The following NCOA5 variants were observed in gnomAD, a reference collection of about 807,000 sequenced individuals.
NCOA5 encodes the protein nuclear receptor coactivator 5, also known as NCoA-5.
NCOA5 carries 12 observed loss-of-function variants against 59.0 expected under a neutral mutation model. The ratio of observed to expected loss-of-function variants is 0.20; its 90% CI spans 0.13 to 0.33. The LOEUF (loss-of-function observed/expected upper bound fraction) is 0.33, where lower values mean the gene tolerates loss of function less well. Ranked by LOEUF, NCOA5 falls within the 10% of genes least tolerant of loss-of-function variation. NCOA5 has a pLI of 1.00. For missense variants in NCOA5, 655 were observed against 766.6 expected, an observed-to-expected ratio of 0.85 and a Z score of 1.72; for synonymous variants, 270 against 275.5, an observed-to-expected ratio of 0.98 and a Z score of 0.20.
At position 46,079,369 on chromosome 20, in the gene NCOA5, G is replaced by A. The variant is rs577111537; in HGVS notation, c.38+18C>T. On this transcript the variant is annotated intron_variant, in intron 2 of 7. Coordinates refer to ENST00000290231, the MANE Select transcript of NCOA5 (RefSeq NM_020967.3). The stretch of plus-strand genomic sequence containing the variant: ...GCCCAACTCTCCCAAGGTAACTCAC[G>A]GCTTCAGGGTACTTTACCTTCGTGT... 5.4e-5 allele frequency: 87 copies of A among 1,613,728 alleles called. 3 individuals carry two copies. The South Asian group carries it at 7.6e-4, about 14-fold the overall frequency.
At chr20:46,080,833 G>T (rs55881672) in intron 1 of NCOA5, among the ~76,000 whole-genome samples, 4 of 152,124 alleles carry the variant, frequency 2.6e-5, no homozygotes, top group Non-Finnish European at 4.4e-5. Context: ...TATTTTCTAT[G>T]TAAGACTTGG....
At chr20:46,065,748 A>G (rs776585887) in intron 5 of NCOA5, among the ~76,000 whole-genome samples, 1 of 152,054 alleles carries the variant, frequency 6.6e-6, no homozygotes, top group Non-Finnish European at 1.5e-5. Context: ...TCTAAATTAG[A>G]TCTCTGACAT....
At chr20:46,077,882 C>A (rs544618084) in intron 2 of NCOA5, among the ~76,000 whole-genome samples, 1 of 152,300 alleles carries the variant, frequency 6.6e-6, no homozygotes, top group East Asian at 1.9e-4. Context: ...TAGATGAAGG[C>A]TAATGAAAGC....
At chr20:46,068,060 A>G (rs2084842858) in intron 4 of NCOA5, among the ~76,000 whole-genome samples, 1 of 152,030 alleles carries the variant, frequency 6.6e-6, no homozygotes, top group Non-Finnish European at 1.5e-5. Context: ...CCCCCCGAGT[A>G]GCTGGGACTA....
intron 1 of NCOA5, among the ~76,000 whole-genome samples, chr20:46,089,238 T>C (rs1380628137): frequency 6.6e-6 from 1 of 152,140 alleles, no homozygotes; most frequent in Non-Finnish European, 1.5e-5. Context: ...CCCCGTTCTC[T>C]GGGCCCGAGG....
chr20:46,085,909 T>C (rs2085040555), intron 1 of NCOA5, among the ~76,000 whole-genome samples: 1 of 152,154 alleles, frequency 6.6e-6, no homozygotes, highest in Admixed American at 6.5e-5. Flanking sequence ...ACATTCAAAA[T>C]ATTGCCCATT....
rs374656255 is a variant in NCOA5 at position 46,063,350 on chromosome 20, C to T, written c.1150+10G>A. 6.2e-7 allele frequency: 1 copy of T among 1,609,354 alleles called. No homozygotes were observed. The highest frequency in any genetic ancestry group is 8.5e-7 in the Non-Finnish European group (1 of 1,179,402). On this transcript the variant is annotated intron_variant, in intron 7 of 7. Coordinates refer to ENST00000290231, the MANE Select transcript of NCOA5 (RefSeq NM_020967.3). ...TCAGAACTTCACCTCGGCCCTGCCACGTAGCTCACCAGGCAGAGAGTCGGT... is the reference window on the plus strand; with the variant it reads ...TCAGAACTTCACCTCGGCCCTGCCATGTAGCTCACCAGGCAGAGAGTCGGT...
At chr20:46,079,962 G>A (rs1047049191) in intron 1 of NCOA5, among the ~76,000 whole-genome samples, 2 of 152,204 alleles carry the variant, frequency 1.3e-5, no homozygotes, top group African/African-American at 4.8e-5. Context: ...CTGTTAGTGT[G>A]TCTTGTGTTG....
chr20:46,075,564 G>A (rs2084928536), intron 2 of NCOA5, among the ~76,000 whole-genome samples: 1 of 152,224 alleles, frequency 6.6e-6, no homozygotes, highest in African/African-American at 2.4e-5. Context: ...ATCCTCTGCA[G>A]AGCGTTGGAT....
intron 1 of NCOA5, among the ~76,000 whole-genome samples, chr20:46,082,359 G>A (rs1476533440): frequency 6.6e-6 from 1 of 151,928 alleles, no homozygotes; most frequent in Admixed American, 6.6e-5. Flanking sequence ...TGTAAAGAAG[G>A]GAAAAAAAGG....
At chr20:46,068,693 G>C (rs2084850209) in intron 3 of NCOA5, 55 bp from the exon 4 acceptor site, 1 of 1,550,816 alleles carries the variant, frequency 6.4e-7, no homozygotes, top group Admixed American at 1.9e-5. Flanking sequence ...TCCTGAAAAA[G>C]TCACCTAGAG....
chr20:46,070,485 T>A lies in NCOA5; in HGVS notation c.90A>T (p.Pro30=). 1 of 1,614,014 alleles carries A rather than the reference T, an allele frequency of 6.2e-7. No individual in the cohort carries two copies. Among genetic ancestry groups the A allele is most frequent in the Non-Finnish European group, 8.5e-7 (1 of 1,179,992 alleles). Residue 30 remains proline (P), a synonymous_variant, in exon 3 of 8, where the codon CCA becomes CCT. Transcript: ENST00000290231. The part of the protein sequence containing the change: ...DSRDSRRDRS[P]IRGSPRREPR... ...GCTCTCTCCTTGGACTTCCTCGAAT[T>A]GGGGATCGATCACGCCTTGAATCTC... is the stretch of plus-strand genomic sequence containing the variant.
chr20:46,076,530 TA>T (rs1162300636), intron 2 of NCOA5, among the ~76,000 whole-genome samples: 2 of 152,054 alleles, frequency 1.3e-5, no homozygotes, highest in Non-Finnish European at 2.9e-5. Context: ...TTTTTTAAGG[TA>T]AAAAACTGGG....
intron 5 of NCOA5, among the ~76,000 whole-genome samples, chr20:46,065,452 C>A (rs1389516068): frequency 6.6e-6 from 1 of 152,056 alleles, no homozygotes; most frequent in Non-Finnish European, 1.5e-5. Context: ...AGTATGATAC[C>A]CAGGTCCTTC....
rs768707011 is a variant in NCOA5 at position 46,062,681 on chromosome 20, G to T, written c.1359C>A (p.Pro453=). The change falls in exon 8 of 8, where the codon CCC becomes CCA. Residue 453 remains proline (P), a synonymous_variant. Coordinates refer to ENST00000290231, the MANE Select transcript of NCOA5 (RefSeq NM_020967.3). ...TTGGGGTGTTTCCGGCAGCAACCGAGGGGGATGCAGAGCTGCTATTGGCCG... is the reference window on the plus strand; with the variant it reads ...TTGGGGTGTTTCCGGCAGCAACCGATGGGGATGCAGAGCTGCTATTGGCCG... ...TVTANSSSAS[P]SVAAGNTPNQ... 5.0e-6 allele frequency: 8 copies of T among 1,614,114 alleles called. No individual in the cohort carries two copies. The highest frequency in any genetic ancestry group is 6.8e-6 in the Non-Finnish European group (8 of 1,179,964).
At chr20:46,070,084 T>C (rs2145531775) in intron 3 of NCOA5, 126 bp downstream of exon 3, 2 of 717,688 alleles carry the variant, frequency 2.8e-6, no homozygotes, top group South Asian at 3.8e-5. Flanking sequence ...AGCACATCTA[T>C]CACTTGACAG....
intron 1 of NCOA5, among the ~76,000 whole-genome samples, chr20:46,088,908 AT>A (rs552497886): frequency 8.5e-5 from 13 of 152,170 alleles, no homozygotes; most frequent in African/African-American, 2.9e-4. Context: ...ACAGATATTT[AT>A]TTTTTTTATA....
At chr20:46,083,728 GATA>G (rs2085016935) in intron 1 of NCOA5, among the ~76,000 whole-genome samples, 1 of 152,210 alleles carries the variant, frequency 6.6e-6, no homozygotes, top group African/African-American at 2.4e-5. Context: ...TGCTGATAAA[GATA>G]ATGCCAGTTG....
chr20:46,068,222 C>G (rs991186817), intron 4 of NCOA5, among the ~76,000 whole-genome samples: 1 of 152,198 alleles, frequency 6.6e-6, no homozygotes, highest in African/African-American at 2.4e-5. Flanking sequence ...GTGGTGGCCA[C>G]AGTGACCAGC....
Sources: allele counts gnomAD v4.1 joint callset (sites outside exome capture counted in the v4.1 genomes callset), GRCh38; gene constraint gnomAD v4.1.1; transcripts MANE v1.5; gene names NCBI Gene and HGNC (gene_info 2026-07-23, HGNC 2026-07-21).